DENND11: variants seen among roughly 807,000 people sequenced by gnomAD.
The protein encoded by DENND11 is DENN domain-containing protein 11.
DENND11 carries 34 observed loss-of-function variants against 49.2 expected under a neutral mutation model. The observed-to-expected ratio is 0.69, with a 90% CI of 0.53 to 0.92. DENND11 has a LOEUF of 0.92. DENND11 is among the 40% of genes least tolerant of loss of function. The pLI is 0.00. For missense variants in DENND11, 475 were observed against 581.6 expected, an observed-to-expected ratio of 0.82 and a Z score of 1.88; for synonymous variants, 238 against 230.3, an observed-to-expected ratio of 1.03 and a Z score of -0.30.
rs140848296 is a variant in DENND11 at position 141,695,181 on chromosome 7, G to A, written c.268+6705C>T. ...TTTTTTTTGCCGCACAGTGATTTTT[G>A]GAACATATATTTCATGTTATAGGGG... On this transcript the variant is annotated intron_variant, in intron 1 of 8. Coordinates refer to ENST00000536163, the MANE Select transcript of DENND11 (RefSeq NM_001080392.2). Among the ~76,000 whole-genome samples, 595 of 151,808 alleles carry A rather than the reference G, an allele frequency of 3.9e-3. 4 individuals carry two copies. The highest frequency in any genetic ancestry group is 5.7e-3 in the Non-Finnish European group (385 of 67,948).
chr7:141,669,334 G>A (rs894531236), intron 4 of DENND11, among the ~76,000 whole-genome samples: 3 of 145,708 alleles, frequency 2.1e-5, no homozygotes, highest in East Asian at 4.3e-4. Context: ...TGCAACCTCC[G>A]CCTCCTGGGT....
chr7:141,665,368 T>G (rs1449581983), intron 5 of DENND11, 50 bp from the exon 6 acceptor site: 2 of 1,608,394 alleles, frequency 1.2e-6, no homozygotes, highest in Admixed American at 1.7e-5. Flanking sequence ...TCCACAGCCC[T>G]TCCTCCCTCG....
chr7:141,671,271 G>A (rs889970589), intron 4 of DENND11, among the ~76,000 whole-genome samples: 7 of 152,118 alleles, frequency 4.6e-5, no homozygotes, highest in Non-Finnish European at 8.8e-5. Flanking sequence ...CTGCCTCCCG[G>A]GTTCAAGCAG....
At position 141,658,146 on chromosome 7, in the gene DENND11, T is replaced by A. The variant is rs1797726932; in HGVS notation, c.*4510A>T. The A allele has an allele frequency of 6.6e-6, 1 of 152,194 alleles. No individual in the cohort carries two copies. Among genetic ancestry groups the A allele is most frequent in the Non-Finnish European group, 1.5e-5 (1 of 68,036 alleles). 9.4% of individuals were successfully genotyped at this position (152,194 alleles called of 1,614,324 possible). ...CCCATTTCTTCTAGAATAATAGTTT[T>A]AAAATTTCCTTCCATTTCAGTATAT... On this transcript the variant is annotated 3_prime_UTR_variant, in exon 9 of 9. Coordinates refer to ENST00000536163, the MANE Select transcript of DENND11 (RefSeq NM_001080392.2).
At chr7:141,685,379 T>C in intron 3 of DENND11, 99 bp downstream of exon 3, 1 of 1,423,986 alleles carries the variant, frequency 7.0e-7, no homozygotes. Flanking sequence ...GAAAGACATC[T>C]GCTGCTCTGG....
chr7:141,671,267 C>T (rs1252662657), intron 4 of DENND11, among the ~76,000 whole-genome samples: 1 of 152,148 alleles, frequency 6.6e-6, no homozygotes, highest in Non-Finnish European at 1.5e-5. Context: ...ACTTCTGCCT[C>T]CCGGGTTCAA....
intron 1 of DENND11, among the ~76,000 whole-genome samples, chr7:141,694,567 C>T (rs1192095934): frequency 6.6e-6 from 1 of 152,084 alleles, no homozygotes; most frequent in Non-Finnish European, 1.5e-5. Context: ...ACGCCCAGCC[C>T]ATACTGAAAA....
At chr7:141,666,799 A>C (rs1048003770) in intron 4 of DENND11, among the ~76,000 whole-genome samples, 1 of 152,258 alleles carries the variant, frequency 6.6e-6, no homozygotes, top group African/African-American at 2.4e-5. Flanking sequence ...CATGATGAGC[A>C]AACAGTCCCC....
intron 1 of DENND11, 41 bp downstream of exon 1, chr7:141,701,845 C>T: frequency 8.6e-7 from 1 of 1,163,816 alleles, no homozygotes; most frequent in Non-Finnish European, 1.1e-6. Flanking sequence ...TCGGGGGCAC[C>T]CCGACCCTCC....
chr7:141,701,922 C>A lies in DENND11; in HGVS notation c.232G>T (p.Val78Leu). The A allele has an allele frequency of 8.3e-7, 1 of 1,212,012 alleles. No homozygotes were observed. Among genetic ancestry groups the A allele is most frequent in the Admixed American group, 4.2e-5 (1 of 23,778 alleles). The allele number at this position is 1,212,012 out of a possible 1,614,324, so 75.1% of individuals were successfully genotyped here. A position where few individuals can be genotyped will look rare whatever the true frequency, so the allele number is the denominator to read the frequency against. The change falls in exon 1 of 9, where the codon GTG becomes TTG. Residue 78 changes from valine to leucine, a missense_variant. By Grantham distance (32) the Val-to-Leu change is conservative. Transcript: ENST00000536163. Reference sequence around the variant, plus strand: ...TCGAAGGTGACCACGAACACGGCCACCACCTGGTCCTCCTCCACGTCGCCC... The same window carrying A: ...TCGAAGGTGACCACGAACACGGCCAACACCTGGTCCTCCTCCACGTCGCCC... ...ELGDVEEDQVVAVFVVTFDPR... is the reference protein window; with the variant it reads ...ELGDVEEDQVLAVFVVTFDPR...
rs1797726367 is a variant in DENND11 at position 141,658,096 on chromosome 7, C to T, written c.*4560G>A. On this transcript the variant is annotated 3_prime_UTR_variant, in exon 9 of 9. Coordinates refer to ENST00000536163, the MANE Select transcript of DENND11 (RefSeq NM_001080392.2). ...ACATAGTAAAACTTCTATGGGGTCT[C>T]AGCCACCACCAAATTACAAAACTGC... The T allele has an allele frequency of 6.6e-6, 1 of 152,198 alleles. No homozygotes were observed. Among genetic ancestry groups the T allele is most frequent in the South Asian group, 2.1e-4 (1 of 4,834 alleles). The allele number at this position is 152,198 out of a possible 1,614,324, so 9.4% of individuals were successfully genotyped here.
At position 141,686,655 on chromosome 7, in the gene DENND11, T is replaced by C; in HGVS notation, c.272A>G (p.Asn91Ser). 6.2e-7 allele frequency: 1 copy of C among 1,609,164 alleles called. No homozygotes were observed. The highest frequency in any genetic ancestry group is 2.2e-5 in the East Asian group (1 of 44,868). Residue 91 changes from asparagine (N) to serine (S), a missense_variant, in exon 2 of 9, where the codon AAC (asparagine) becomes AGC (serine). Asn to Ser is a conservative substitution (Grantham distance 46). Transcript: ENST00000536163. ...FVVTFDPRSG[N>S]MVEWCLPQDI... ...TTGAGGTAAGCACCATTCTACCATG[T>C]TTCCTGCAGGAAAAGGAAGATGCAA...
intron 3 of DENND11, among the ~76,000 whole-genome samples, chr7:141,685,027 AAAAT>A (rs1172480848): frequency 6.1e-5 from 6 of 98,056 alleles, no homozygotes; most frequent in South Asian, 1.0e-3. Flanking sequence ...AAAAAAAAAA[AAAAT>A]ATATATATAT....
At position 141,701,842 on chromosome 7, in the gene DENND11, CACCCCGACCCTCCCCACGCGCCTG is replaced by C. The variant is rs1157165639; in HGVS notation, c.268+20_268+43del. 2.6e-6 allele frequency: 3 copies of C among 1,160,312 alleles called. No homozygotes were observed. The African/African-American group carries it at 4.9e-5, about 19-fold the overall frequency. The allele number at this position is 1,160,312 out of a possible 1,614,324, so 71.9% of individuals were successfully genotyped here. On this transcript the variant is annotated intron_variant, in intron 1 of 8. Coordinates refer to ENST00000536163, the MANE Select transcript of DENND11 (RefSeq NM_001080392.2). The stretch of plus-strand genomic sequence containing the variant: ...CCCCCGCGCCCCCAAAGCTCGGGGG[CACCCCGACCCTCCCCACGCGCCTG>C]GCCCCGGCGCGGCCCTCACCCGAGC...
intron 4 of DENND11, among the ~76,000 whole-genome samples, chr7:141,667,715 C>G (rs898187037): frequency 6.6e-6 from 1 of 152,158 alleles, no homozygotes; most frequent in African/African-American, 2.4e-5. Flanking sequence ...CACCTATACC[C>G]GAGCCTCAGG....
intron 5 of DENND11, 37 bp downstream of exon 5, chr7:141,666,250 G>T: frequency 6.4e-7 from 1 of 1,553,100 alleles, no homozygotes; most frequent in South Asian, 1.2e-5. Flanking sequence ...CTGCTCCAGG[G>T]ATTTAAGCAG....
intron 1 of DENND11, among the ~76,000 whole-genome samples, chr7:141,693,944 G>A (rs976701675): frequency 6.6e-6 from 1 of 152,178 alleles, no homozygotes; most frequent in African/African-American, 2.4e-5. Flanking sequence ...CTGTACAACA[G>A]TGAACCTTAA....
intron 1 of DENND11, among the ~76,000 whole-genome samples, chr7:141,695,968 A>G (rs1392118121): frequency 6.6e-6 from 1 of 152,244 alleles, no homozygotes; most frequent in Non-Finnish European, 1.5e-5. Flanking sequence ...GTGGAGCACA[A>G]CTTGGCAGCA....
chr7:141,692,711 GGT>G (rs1456569161), intron 1 of DENND11, among the ~76,000 whole-genome samples: 1 of 152,068 alleles, frequency 6.6e-6, no homozygotes, highest in Non-Finnish European at 1.5e-5. Flanking sequence ...CAGGCATGGT[GGT>G]GTGTGCCTGT....
Sources: allele counts gnomAD v4.1 joint callset (sites outside exome capture counted in the v4.1 genomes callset), GRCh38; gene constraint gnomAD v4.1.1; transcripts MANE v1.5; gene names NCBI Gene and HGNC (gene_info 2026-07-23, HGNC 2026-07-21).